Variants in TGFBR2 observed in about 807,000 individuals in gnomAD.
TGFBR2 encodes the protein transforming growth factor beta receptor 2, also known as TGF-beta receptor type-2.
Under a neutral mutation model 49.0 loss-of-function variants are expected in TGFBR2, and 18 were observed. The ratio of observed to expected loss-of-function variants is 0.37; its 90% CI spans 0.25 to 0.54. TGFBR2 has a LOEUF of 0.54. TGFBR2 is among the 20% of genes least tolerant of loss of function. The pLI, the probability that TGFBR2 is intolerant of heterozygous loss-of-function variation, is 0.85. For synonymous variants in TGFBR2, 282 were observed against 275.9 expected (o/e 1.02, Z -0.22); for missense variants, 525 against 722.6 (o/e 0.73, Z 3.13).
chr3:30,650,531 G>A (rs1330105718), intron 3 of TGFBR2, 71 bp downstream of exon 3: 18 of 1,500,462 alleles, frequency 1.2e-5, no homozygotes, highest in Non-Finnish European at 1.6e-5. Flanking sequence ...GGTCTGCAGT[G>A]TCATAGAGCA....
intron 1 of TGFBR2, 54 bp downstream of exon 1, chr3:30,607,031 C>T: frequency 2.0e-6 from 3 of 1,468,334 alleles, no homozygotes; most frequent in Non-Finnish European, 2.8e-6. Flanking sequence ...TCCTGGGGTC[C>T]CCGCCTCTCC....
chr3:30,691,052 A>G (rs1159912304), intron 6 of TGFBR2, among the ~76,000 whole-genome samples: 5 of 152,182 alleles, frequency 3.3e-5, no homozygotes, highest in Admixed American at 2.6e-4. Context: ...ACTTCTCTAA[A>G]TAGAAAGGTG....
chr3:30,671,054 A>G (rs1487587286), intron 3 of TGFBR2, among the ~76,000 whole-genome samples: 1 of 152,250 alleles, frequency 6.6e-6, no homozygotes, highest in Non-Finnish European at 1.5e-5. Context: ...GATGTCATAC[A>G]TGCAGATTTT....
chr3:30,649,651 T>C (rs1018180475), intron 2 of TGFBR2, among the ~76,000 whole-genome samples: 2 of 152,212 alleles, frequency 1.3e-5, no homozygotes, highest in African/African-American at 4.8e-5. Context: ...CTCCTTTCTG[T>C]AATTTGGGAA....
chr3:30,647,299 C>T (rs1698760562), intron 2 of TGFBR2, among the ~76,000 whole-genome samples: 2 of 152,308 alleles, frequency 1.3e-5, no homozygotes, highest in Admixed American at 6.5e-5. Context: ...TTCAGAGTTT[C>T]CAAGGCATTC....
At chr3:30,669,949 C>G (rs899726256) in intron 3 of TGFBR2, among the ~76,000 whole-genome samples, 1 of 152,132 alleles carries the variant, frequency 6.6e-6, no homozygotes, top group South Asian at 2.1e-4. Context: ...TGGTTATATC[C>G]TCATTCTACC....
intron 6 of TGFBR2, among the ~76,000 whole-genome samples, chr3:30,691,108 G>A (rs1009572817): frequency 6.6e-6 from 1 of 152,180 alleles, no homozygotes; most frequent in Non-Finnish European, 1.5e-5. Flanking sequence ...TTCAGGTGTT[G>A]GGAGTGTTAG....
At chr3:30,612,610 T>C (rs1698049474) in intron 1 of TGFBR2, among the ~76,000 whole-genome samples, 1 of 152,188 alleles carries the variant, frequency 6.6e-6, no homozygotes, top group Non-Finnish European at 1.5e-5. Flanking sequence ...AGTTTGACAA[T>C]GGTGTCTTAG....
chr3:30,644,437 G>T (rs1202690281), intron 1 of TGFBR2, among the ~76,000 whole-genome samples: 1 of 152,114 alleles, frequency 6.6e-6, no homozygotes, highest in African/African-American at 2.4e-5. Context: ...TATGCAGTGG[G>T]CCCATCTAGG....
intron 3 of TGFBR2, among the ~76,000 whole-genome samples, chr3:30,668,485 A>G (rs1377008668): frequency 1.3e-5 from 2 of 152,180 alleles, no homozygotes; most frequent in East Asian, 3.8e-4. Context: ...CGACTGCTGG[A>G]TCGGCTGTTG....
intron 3 of TGFBR2, among the ~76,000 whole-genome samples, chr3:30,669,537 C>T (rs903125201): frequency 6.6e-6 from 1 of 152,096 alleles, no homozygotes; most frequent in East Asian, 1.9e-4. Flanking sequence ...ACATAGGGCT[C>T]ACAGATTGGT....
chr3:30,691,867 G>A lies in TGFBR2; in HGVS notation c.*268G>A. On this transcript the variant is annotated 3_prime_UTR_variant, in exon 7 of 7. Coordinates refer to ENST00000295754, the MANE Select transcript of TGFBR2 (RefSeq NM_003242.6). The stretch of plus-strand genomic sequence containing the variant: ...ATTTTTACAATAGCCAATAACATTT[G>A]CACTTTATTAATGCCTGTATATAAA... 2.2e-6 allele frequency: 1 copy of A among 454,832 alleles called. No individual in the cohort carries two copies. The highest frequency in any genetic ancestry group is 3.8e-5 in the East Asian group (1 of 26,580). The allele number at this position is 454,832 out of a possible 1,614,324, so 28.2% of individuals were successfully genotyped here.
rs1559474573 is a variant in TGFBR2, at chr3:30,693,866, C to G, written c.*2267C>G. ...TTTTTTTCTTATTCAAGAAAAAAGA[C>G]CAAGGAATAACATTCTGTAGTTCCT... On this transcript the variant is annotated 3_prime_UTR_variant, in exon 7 of 7. Coordinates refer to ENST00000295754, the MANE Select transcript of TGFBR2 (RefSeq NM_003242.6). The G allele has an allele frequency of 4.3e-6, 1 of 229,974 alleles. No homozygotes were observed. Among genetic ancestry groups the G allele is most frequent in the Non-Finnish European group, 8.6e-6 (1 of 116,060 alleles). The allele number at this position is 229,974 out of a possible 1,614,324, so 14.2% of individuals were successfully genotyped here. A position where few individuals can be genotyped will look rare whatever the true frequency, so the allele number is the denominator to read the frequency against.
chr3:30,631,651 C>G (rs1418896404), intron 1 of TGFBR2, among the ~76,000 whole-genome samples: 1 of 116,780 alleles, frequency 8.6e-6, no homozygotes, highest in South Asian at 3.0e-4. Context: ...TTTACTTCCT[C>G]TGCTTGAAAA....
chr3:30,623,075 A>C (rs1044805982), intron 1 of TGFBR2: 1 of 675,604 alleles, frequency 1.5e-6, no homozygotes, highest in Non-Finnish European at 2.7e-6. Context: ...GTCTAGTTAT[A>C]ATAATCTTTT....
At chr3:30,671,194 T>C (rs1699330246) in intron 3 of TGFBR2, among the ~76,000 whole-genome samples, 1 of 152,168 alleles carries the variant, frequency 6.6e-6, no homozygotes, top group Admixed American at 6.5e-5. Context: ...CAGTTTACAG[T>C]AGTGAAGAAG....
chr3:30,650,309 C>T lies in TGFBR2; in HGVS notation c.303C>T (p.Cys101=), dbSNP rs2125409991. The part of the protein sequence containing the change: ...NDENITLETV[C]HDPKLPYHDF... ...AGAACATAACACTAGAGACAGTTTGCCATGACCCCAAGCTCCCCTACCATG... is the reference window on the plus strand; with the variant it reads ...AGAACATAACACTAGAGACAGTTTGTCATGACCCCAAGCTCCCCTACCATG... Residue 101 remains cysteine, a synonymous_variant, in exon 3 of 7, where the codon TGC becomes TGT. Transcript: ENST00000295754. The T allele has an allele frequency of 6.2e-7, 1 of 1,613,988 alleles. No individual in the cohort carries two copies. Among genetic ancestry groups the T allele is most frequent in the Non-Finnish European group, 8.5e-7 (1 of 1,179,948 alleles).
chr3:30,616,688 C>T (rs542110163), intron 1 of TGFBR2, among the ~76,000 whole-genome samples: 1 of 152,102 alleles, frequency 6.6e-6, no homozygotes, highest in South Asian at 2.1e-4. Flanking sequence ...AAATCTTTAG[C>T]TAATCAAAAT....
intron 3 of TGFBR2, among the ~76,000 whole-genome samples, chr3:30,664,399 T>C (rs1171079459): frequency 6.6e-6 from 1 of 152,204 alleles, no homozygotes; most frequent in East Asian, 1.9e-4. Flanking sequence ...AAATTTCCAG[T>C]CACTTCTGTC....
Sources: gnomAD v4.1 joint callset for allele counts (sites outside exome capture counted in the v4.1 genomes callset) on GRCh38, gnomAD v4.1.1 for gene constraint, MANE v1.5 for transcripts, NCBI Gene and HGNC (gene_info 2026-07-23, HGNC 2026-07-21) for gene names.